The following IL3RA variants were observed in gnomAD, a reference collection of about 807,000 sequenced individuals.
IL3RA encodes interleukin-3 receptor subunit alpha.
IL3RA carries 73 observed loss-of-function variants against 52.3 expected under a neutral mutation model. The ratio of observed to expected loss-of-function variants is 1.40; its 90% confidence interval spans 1.16 to 1.70. IL3RA has a LOEUF of 1.70. Ranked by LOEUF, IL3RA falls within the 40% of genes most tolerant of loss-of-function variation. The pLI is 0.00. For missense variants in IL3RA, 664 were observed against 504.4 expected (o/e 1.32, Z -3.03); for synonymous variants, 260 against 194.0 (o/e 1.34, Z -2.83).
At chrX:1,346,310 G>A (rs1178919901) in intron 3 of IL3RA, among the ~76,000 whole-genome samples, 1 of 151,804 alleles carries the variant, frequency 6.6e-6, no homozygotes, top group African/African-American at 2.4e-5. Flanking sequence ...ATGGTGGTGG[G>A]CGCCTGTAAT....
chrX:1,362,493 T>C (rs1444157789), intron 8 of IL3RA, among the ~76,000 whole-genome samples: 1 of 150,780 alleles, frequency 6.6e-6, no homozygotes, highest in African/African-American at 2.5e-5. Context: ...CATCACCCAC[T>C]ATCTCTGTCT....
intron 2 of IL3RA, among the ~76,000 whole-genome samples, chrX:1,343,950 C>G (rs1182140509): frequency 3.3e-5 from 5 of 151,642 alleles, no homozygotes; most frequent in Non-Finnish European, 1.5e-5. Flanking sequence ...CGCCCGCCAC[C>G]ACGCCCAACT....
chrX:1,338,557 C>T (rs1181580897), intron 1 of IL3RA, among the ~76,000 whole-genome samples: 1 of 152,208 alleles, frequency 6.6e-6, no homozygotes, highest in Non-Finnish European at 1.5e-5. Context: ...TGAAAAGGAA[C>T]GAGGCTCTGC....
At chrX:1,354,123 A>G (rs17881139) in intron 6 of IL3RA, among the ~76,000 whole-genome samples, 1 of 150,376 alleles carries the variant, frequency 6.6e-6, no homozygotes, top group Admixed American at 6.6e-5. Context: ...GGGTCCCATC[A>G]TGGGTCATGG....
intron 4 of IL3RA, among the ~76,000 whole-genome samples, chrX:1,348,884 G>C (rs765128631): frequency 5.1e-5 from 2 of 39,568 alleles, no homozygotes; most frequent in African/African-American, 5.3e-4. Flanking sequence ...CTTCCCTTTC[G>C]TTTTCTTTTC....
rs374717821 is a variant in IL3RA, at chrX:1,382,435, G to T, written c.1107G>T (p.Val369=). ...AAGCCGGCCTGGAGGAGTGTCTGGT[G>T]ACTGAAGTACAGGTCGTGCAGAAAA... ...AGKAGLEECL[V]TEVQVVQKT Residue 369 remains valine, a synonymous_variant, in exon 12 of 12, where the codon GTG becomes GTT. Transcript: ENST00000331035. 1 of 1,613,798 alleles carries T rather than the reference G, an allele frequency of 6.2e-7. No homozygotes were observed. The highest frequency in any genetic ancestry group is 1.3e-5 in the African/African-American group (1 of 74,922).
chrX:1,364,530 C>G, intron 8 of IL3RA, among the ~76,000 whole-genome samples: 1 of 152,184 alleles, frequency 6.6e-6, no homozygotes, highest in Non-Finnish European at 1.5e-5. Flanking sequence ...GAGATGGGGT[C>G]TTGGTTTGTT....
intron 1 of IL3RA, 109 bp downstream of exon 1, chrX:1,337,035 A>T (rs1198413837): frequency 7.2e-5 from 11 of 152,204 alleles, no homozygotes; most frequent in Admixed American, 6.6e-4. Flanking sequence ...ATTGGCATGT[A>T]ACAGGTTTCT....
chrX:1,363,507 C>A (rs1276919466), intron 8 of IL3RA, among the ~76,000 whole-genome samples: 1 of 150,378 alleles, frequency 6.6e-6, no homozygotes, highest in Non-Finnish European at 1.5e-5. Flanking sequence ...TCACTGTGGT[C>A]TCGATCTCCT....
At chrX:1,378,582 G>GC (rs1411716336) in intron 9 of IL3RA, 77 bp from the exon 10 acceptor site, 40 of 1,280,424 alleles carry the variant, frequency 3.1e-5, no homozygotes, top group Non-Finnish European at 3.9e-5. Context: ...GCTTCCCAGG[G>GC]CCCCGGGGAG....
intron 7 of IL3RA, among the ~76,000 whole-genome samples, chrX:1,357,974 G>A (rs189722915): frequency 7.3e-5 from 11 of 151,298 alleles, no homozygotes; most frequent in Admixed American, 2.6e-4. Context: ...GCGTGGTGGC[G>A]GGCGCCTGTA....
Position 1,351,772 on chromosome X carries a change from C to T in IL3RA, c.299-328C>T, listed in dbSNP as rs112701314. Among the ~76,000 whole-genome samples the T allele has an allele frequency of 4.6e-5, 7 of 151,044 alleles. No homozygotes were observed. The East Asian group carries it at 7.8e-4, about 17-fold the overall frequency. On this transcript the variant is annotated intron_variant, in intron 4 of 11. Coordinates refer to ENST00000331035, the MANE Select transcript of IL3RA (RefSeq NM_002183.4). ...GCCTCCCGAGTAGCTGGGATTACAG[C>T]GGCCCGACATCACACCTGGCTAATT...
intron 11 of IL3RA, 30 bp from the exon 12 acceptor site, chrX:1,382,361 G>A (rs767949139): frequency 2.7e-5 from 43 of 1,589,108 alleles, no homozygotes; most frequent in South Asian, 4.4e-5. Context: ...GGGGGTGGCC[G>A]ACTCACCCTG....
chrX:1,339,087 C>A (rs1162377150), intron 1 of IL3RA, among the ~76,000 whole-genome samples: 1 of 152,006 alleles, frequency 6.6e-6, no homozygotes, highest in East Asian at 1.9e-4. Flanking sequence ...CAATCCACCC[C>A]CCTCAGCCTC....
intron 7 of IL3RA, 147 bp downstream of exon 7, chrX:1,356,483 C>CAA: frequency 1.6e-6 from 1 of 631,718 alleles, no homozygotes; most frequent in Non-Finnish European, 2.8e-6. Flanking sequence ...AAAACAAAAA[C>CAA]AAAAGGCCGG....
intron 3 of IL3RA, 129 bp downstream of exon 3, chrX:1,345,563 C>G (rs1839896472): frequency 9.9e-6 from 5 of 506,506 alleles, no homozygotes; most frequent in Non-Finnish European, 1.6e-5. Context: ...GATCTCCGCT[C>G]TCTGCAACCT....
intron 8 of IL3RA, among the ~76,000 whole-genome samples, chrX:1,363,091 A>G (rs1286639165): frequency 6.6e-6 from 1 of 151,104 alleles, no homozygotes; most frequent in African/African-American, 2.4e-5. Context: ...TCCTCTTCTT[A>G]TAAGGATATT....
chrX:1,337,904 T>A (rs1423001722), intron 1 of IL3RA, among the ~76,000 whole-genome samples: 6 of 147,768 alleles, frequency 4.1e-5, no homozygotes, highest in African/African-American at 1.5e-4. Flanking sequence ...AGAAATATAA[T>A]GTGGTCCAGC....
intron 8 of IL3RA, among the ~76,000 whole-genome samples, chrX:1,359,224 G>T (rs2086978254): frequency 1.3e-5 from 2 of 151,880 alleles, no homozygotes; most frequent in African/African-American, 4.8e-5. Context: ...ATTTGCCCCA[G>T]ATTCCTTACC....
Sources: allele counts gnomAD v4.1 joint callset (sites outside exome capture counted in the v4.1 genomes callset), GRCh38; gene constraint gnomAD v4.1.1; transcripts MANE v1.5; gene names NCBI Gene and HGNC (gene_info 2026-07-23, HGNC 2026-07-21).